Variants in SCN7A observed in about 807,000 individuals in gnomAD.
SCN7A encodes the protein sodium voltage-gated channel alpha subunit 7, also known as sodium channel protein type 7 subunit alpha.
A neutral mutation model predicts 155.2 loss-of-function variants in SCN7A; 138 were observed. The ratio of observed to expected loss-of-function variants is 0.89; its 90% CI spans 0.77 to 1.02. The LOEUF (loss-of-function observed/expected upper bound fraction) is 1.02. Ranked by LOEUF, SCN7A falls within the 50% of genes least tolerant of loss-of-function variation. The pLI, the probability that SCN7A is intolerant of heterozygous loss-of-function variation, is 0.00. For synonymous variants in SCN7A, 693 were observed against 649.0 expected (o/e 1.07, Z -1.03); for missense variants, 2,058 against 1,986.6 (o/e 1.04, Z -0.68).
rs1701665759 is a variant in SCN7A at position 166,428,331 on chromosome 2, T to C, written c.2699-389A>G. ...AAAATTTACTCTTTGAAGATTCACA[T>C]GGTATAACATGCATTCCTGTTTAAA... On this transcript the variant is annotated intron_variant, in intron 17 of 25. Coordinates refer to ENST00000643258, the MANE Select transcript of SCN7A (RefSeq NM_002976.4). 2.0e-5 allele frequency among the ~76,000 whole-genome samples: 3 copies of C among 152,070 alleles called. 1 individual carries two copies. In the South Asian group the frequency reaches 6.2e-4, roughly 31 times the overall value.
At chr2:166,413,283 A>G (rs34619171) in intron 21 of SCN7A, among the ~76,000 whole-genome samples, 162 bp from the exon 22 acceptor site, 11,981 of 152,170 alleles carry the variant, frequency 0.079, 546 homozygotes, top group Middle Eastern at 0.13. Context: ...TTGTCTGTTA[A>G]CAACTATTTC....
At chr2:166,429,826 G>T (rs1480838613) in intron 16 of SCN7A, among the ~76,000 whole-genome samples, 1 of 151,940 alleles carries the variant, frequency 6.6e-6, no homozygotes, top group Non-Finnish European at 1.5e-5. Flanking sequence ...TGGGAAAGGG[G>T]CACAGCCTTA....
chr2:166,416,137 T>C (rs1446571897), intron 21 of SCN7A, among the ~76,000 whole-genome samples: 1 of 152,146 alleles, frequency 6.6e-6, no homozygotes, highest in Non-Finnish European at 1.5e-5. Flanking sequence ...TTACTAGGAT[T>C]GGGAAACTCC....
At position 166,477,471 on chromosome 2, in the gene SCN7A, T is replaced by C. The variant is rs1428955670; in HGVS notation, c.226A>G (p.Lys76Glu). ...LEDVDPYYYK[K>E]KNTFIVLNKN... The stretch of plus-strand genomic sequence containing the variant: ...TCTCAATTAATACTCACATTTTTTT[T>C]CTTGTAGTAATATGGGTCCACATCT... The change falls in exon 3 of 26, where the codon AAA becomes GAA. Residue 76 changes from lysine to glutamate, a missense_variant. Coordinates refer to ENST00000643258, the MANE Select transcript of SCN7A (RefSeq NM_002976.4). 1.3e-6 allele frequency: 2 copies of C among 1,498,732 alleles called. No homozygotes were observed. The highest frequency in any genetic ancestry group is 1.3e-5 in the South Asian group (1 of 76,016). 92.8% of individuals were successfully genotyped at this position (1,498,732 alleles called of 1,614,324 possible).
At chr2:166,458,496 A>G (rs1473657000) in intron 10 of SCN7A, among the ~76,000 whole-genome samples, 1 of 152,138 alleles carries the variant, frequency 6.6e-6, no homozygotes, top group African/African-American at 2.4e-5. Flanking sequence ...GTCATTATGA[A>G]CAATATAGTG....
chr2:166,405,862 A>G lies in SCN7A; in HGVS notation c.4767T>C (p.Asp1589=). ...LAFTKRVMGQ[D]VRMEKVVSEI... is the part of the protein sequence containing the mutation. The stretch of plus-strand genomic sequence containing the variant: ...CTGAAACAACTTTCTCCATCCTCAC[A>G]TCTTGACCCATAACTCTCTTTGTAA... The change falls in exon 26 of 26, where the codon GAT becomes GAC. Residue 1589 remains aspartate, a synonymous_variant. Coordinates refer to ENST00000643258, the MANE Select transcript of SCN7A (RefSeq NM_002976.4). The G allele has an allele frequency of 1.2e-6, 2 of 1,613,142 alleles. No individual in the cohort carries two copies. Among genetic ancestry groups the G allele is most frequent in the Admixed American group, 1.7e-5 (1 of 59,890 alleles).
intron 1 of SCN7A, among the ~76,000 whole-genome samples, chr2:166,493,577 G>A (rs1683162581): frequency 6.6e-6 from 1 of 152,212 alleles, no homozygotes; most frequent in Admixed American, 6.5e-5. Context: ...TAGAATAAGA[G>A]ATAGGATTCT....
intron 16 of SCN7A, 99 bp from the exon 17 acceptor site, chr2:166,429,373 A>T: frequency 1.4e-6 from 1 of 729,178 alleles, no homozygotes; most frequent in Non-Finnish European, 2.3e-6. Context: ...AAAATTTTGT[A>T]CAGAAATAAT....
rs1553513821 is a variant in SCN7A, at chr2:166,414,311, T to TAC, written c.3415-1192_3415-1191dup. 5.9e-3 allele frequency among the ~76,000 whole-genome samples: 465 copies of TAC among 78,870 alleles called. 19 individuals carry two copies. The highest frequency in any genetic ancestry group is 0.027 in the African/African-American group (421 of 15,328). 51.7% of individuals were successfully genotyped at this position (78,870 alleles called of 152,430 possible). ...ACACACACATATATATATATATATA[T>TAC]ACACATATATATATATATATGAAGG... On this transcript the variant is annotated intron_variant, in intron 21 of 25. Transcript: ENST00000643258.
At chr2:166,455,668 C>A (rs1446200222) in intron 11 of SCN7A, among the ~76,000 whole-genome samples, 1 of 152,124 alleles carries the variant, frequency 6.6e-6, no homozygotes, top group East Asian at 1.9e-4. Context: ...ACATAACAAA[C>A]CTGCACATGT....
Position 166,405,260 on chromosome 2 carries a change from C to A in SCN7A, c.*320G>T, listed in dbSNP as rs537440661. The A allele has an allele frequency of 2.1e-5, 5 of 243,640 alleles. No homozygotes were observed. The highest frequency in any genetic ancestry group is 3.9e-5 in the Non-Finnish European group (5 of 129,658). 15.1% of individuals were successfully genotyped at this position (243,640 alleles called of 1,614,324 possible). A position where few individuals can be genotyped will look rare whatever the true frequency, so the allele number is the denominator to read the frequency against. ...CATAAAATATAAAAGAAAGCCCCTG[C>A]TGCTGCTGATCTCTATCACCACTTC... On this transcript the variant is annotated 3_prime_UTR_variant, in exon 26 of 26. Coordinates refer to ENST00000643258, the MANE Select transcript of SCN7A (RefSeq NM_002976.4).
At chr2:166,407,587 CT>C (rs1186502497) in intron 25 of SCN7A, among the ~76,000 whole-genome samples, 1 of 151,888 alleles carries the variant, frequency 6.6e-6, no homozygotes, top group Non-Finnish European at 1.5e-5. Flanking sequence ...AGTGAATCTT[CT>C]ACTCTGACCC....
At chr2:166,414,895 T>TA (rs1701332888) in intron 21 of SCN7A, among the ~76,000 whole-genome samples, 1 of 29,870 alleles carries the variant, frequency 3.3e-5, no homozygotes, top group Non-Finnish European at 6.4e-5. Flanking sequence ...ATATAATATA[T>TA]ATTATTATAT....
chr2:166,477,788 G>T (rs1702834590), intron 2 of SCN7A, 78 bp from the exon 3 acceptor site: 1 of 864,988 alleles, frequency 1.2e-6, no homozygotes, highest in Non-Finnish European at 1.7e-6. Flanking sequence ...GAAAAATAGA[G>T]ACCAGTAAAC....
At chr2:166,492,634 C>T (rs1325905304) in intron 1 of SCN7A, among the ~76,000 whole-genome samples, 1 of 152,054 alleles carries the variant, frequency 6.6e-6, no homozygotes, top group East Asian at 1.9e-4. Context: ...GTACAGGTGG[C>T]AAGAAAAGGA....
intron 21 of SCN7A, among the ~76,000 whole-genome samples, 191 bp from the exon 22 acceptor site, chr2:166,413,312 T>G (rs1701242915): frequency 1.3e-5 from 2 of 152,094 alleles, no homozygotes; most frequent in African/African-American, 4.8e-5. Flanking sequence ...AGTTTATTTA[T>G]AGTTAATAAC....
chr2:166,420,540 G>A (rs564741888), intron 20 of SCN7A, among the ~76,000 whole-genome samples: 6 of 151,986 alleles, frequency 3.9e-5, no homozygotes, highest in South Asian at 4.2e-4. Context: ...CTATTAGGTC[G>A]AGCATTATGG....
At chr2:166,413,996 T>TATATATATATATATATATATATATATAA (rs1701263106) in intron 21 of SCN7A, among the ~76,000 whole-genome samples, 1 of 100,464 alleles carries the variant, frequency 1.0e-5, no homozygotes, top group Non-Finnish European at 1.9e-5. Flanking sequence ...TATATATATA[T>TATATATATATATATATATATATATATAA]ATATATAAAT....
In SCN7A at chr2:166,429,177, A is replaced by C. The variant is rs1381636731; in HGVS notation, c.2690T>G (p.Leu897Arg). 1 of 1,522,658 alleles carries C rather than the reference A, an allele frequency of 6.6e-7. No homozygotes were observed. Among genetic ancestry groups the C allele is most frequent in the South Asian group, 1.3e-5 (1 of 79,798 alleles). The allele number at this position is 1,522,658 out of a possible 1,614,324, so 94.3% of individuals were successfully genotyped here. ...MFYGGERSKH[L>R]KNGCRRGSSL... ...TAACAAAATTTTCTTACCATTTTTC[A>C]GATGCTTTGATCTTTCACCTCCATA... is the stretch of plus-strand genomic sequence containing the variant. The change falls in exon 17 of 26, where the codon CTG (leucine) becomes CGG (arginine). Residue 897 changes from leucine to arginine, a missense_variant. Transcript: ENST00000643258.
Sources: gnomAD v4.1 joint callset for allele counts (sites outside exome capture counted in the v4.1 genomes callset) on GRCh38, gnomAD v4.1.1 for gene constraint, MANE v1.5 for transcripts, NCBI Gene and HGNC (gene_info 2026-07-23, HGNC 2026-07-21) for gene names.